RIMS4: variants seen among roughly 807,000 people sequenced by gnomAD.
The protein encoded by RIMS4 is regulating synaptic membrane exocytosis protein 4.
RIMS4 carries 9 observed loss-of-function variants against 29.0 expected under a neutral mutation model. The observed-to-expected ratio is 0.31, with a 90% CI of 0.19 to 0.54. The LOEUF (loss-of-function observed/expected upper bound fraction) is 0.54, where lower values mean the gene tolerates loss of function less well. Among genes scored for constraint, RIMS4 ranks in the 20% least tolerant of loss-of-function variants. RIMS4 has a pLI of 0.94. For missense variants in RIMS4, 193 were observed against 365.7 expected, an observed-to-expected ratio of 0.53 and a Z score of 3.85; for synonymous variants, 130 against 152.9, an observed-to-expected ratio of 0.85 and a Z score of 1.10.
chr20:44,758,730 A>C (rs1358756095), intron 2 of RIMS4, among the ~76,000 whole-genome samples: 1 of 152,180 alleles, frequency 6.6e-6, no homozygotes, highest in Non-Finnish European at 1.5e-5. Context: ...ATCAGCTCAG[A>C]GACAGGCATG....
intron 1 of RIMS4, among the ~76,000 whole-genome samples, chr20:44,798,687 G>A (rs778277279): frequency 2.7e-4 from 41 of 152,136 alleles, no homozygotes; most frequent in African/African-American, 5.8e-4. Context: ...TTATGCCCTC[G>A]GGGGACTACC....
Position 44,752,419 on chromosome 20 carries a change from C to T in RIMS4, c.*3715G>A, listed in dbSNP as rs1157705151. ...CTGAAGGGAATTGGCTTGTGAAGTA[C>T]ATAACCACCCCCTAAGCCACCTGCT... is the stretch of plus-strand genomic sequence containing the variant. On this transcript the variant is annotated 3_prime_UTR_variant, in exon 6 of 6. Transcript: ENST00000372851. The T allele has an allele frequency of 6.6e-6, 1 of 152,256 alleles. No individual in the cohort carries two copies. Among genetic ancestry groups the T allele is most frequent in the Non-Finnish European group, 1.5e-5 (1 of 68,084 alleles). The allele number at this position is 152,256 out of a possible 1,614,324, so 9.4% of individuals were successfully genotyped here. A position where few individuals can be genotyped will look rare whatever the true frequency, so the allele number is the denominator to read the frequency against.
chr20:44,786,201 C>A (rs2066207756), intron 1 of RIMS4, among the ~76,000 whole-genome samples: 1 of 152,164 alleles, frequency 6.6e-6, no homozygotes, highest in Non-Finnish European at 1.5e-5. Flanking sequence ...TTTTTAACTC[C>A]AAGGACAGCA....
rs1421218166 is a variant in RIMS4 at position 44,756,657 on chromosome 20, A to G, written c.591+241T>C. 6.6e-6 allele frequency among the ~76,000 whole-genome samples: 1 copy of G among 152,140 alleles called. No individual in the cohort carries two copies. Among genetic ancestry groups the G allele is most frequent in the Non-Finnish European group, 1.5e-5 (1 of 68,012 alleles). On this transcript the variant is annotated intron_variant, in intron 5 of 5. Transcript: ENST00000372851. This position sits in a 1 kb window ranked among gnomAD's most constrained non-coding sequence, Gnocchi z 5.9. The stretch of plus-strand genomic sequence containing the variant: ...CACTGGCACCAGAATGTTATCAGGT[A>G]GGTACTATTAGGGTCCCCGCTTTAC...
intron 1 of RIMS4, among the ~76,000 whole-genome samples, chr20:44,787,273 C>G (rs1230302523): frequency 6.6e-6 from 1 of 152,012 alleles, no homozygotes; most frequent in East Asian, 1.9e-4. Flanking sequence ...CACCTCACAC[C>G]AAGCTGGCAT....
intron 2 of RIMS4, among the ~76,000 whole-genome samples, chr20:44,765,669 A>T (rs2066110267): frequency 6.6e-6 from 1 of 152,126 alleles, no homozygotes; most frequent in Admixed American, 6.5e-5. Flanking sequence ...TGATTAGGAA[A>T]CAGCCTTGGT....
At chr20:44,804,527 G>A (rs1045236943) in intron 1 of RIMS4, among the ~76,000 whole-genome samples, 9 of 152,210 alleles carry the variant, frequency 5.9e-5, no homozygotes, top group Non-Finnish European at 1.3e-4. Context: ...TGAAATGATG[G>A]TTGCTACGGC....
intron 1 of RIMS4, among the ~76,000 whole-genome samples, chr20:44,776,257 T>C (rs1213657163): frequency 1.3e-5 from 2 of 152,116 alleles, no homozygotes; most frequent in African/African-American, 4.8e-5. Flanking sequence ...AGTAAAATCC[T>C]ATCTCAAAAC....
intron 2 of RIMS4, among the ~76,000 whole-genome samples, chr20:44,763,770 G>T (rs2066096142): frequency 6.6e-6 from 1 of 152,200 alleles, no homozygotes. Context: ...GATGGTGAAA[G>T]AAGTAACTGG....
At chr20:44,804,358 G>A (rs117935278) in intron 1 of RIMS4, among the ~76,000 whole-genome samples, 2,279 of 152,212 alleles carry the variant, frequency 0.015, 22 homozygotes, top group Non-Finnish European at 0.023. Context: ...GAGCCAGAGC[G>A]GATTCAAATC....
At chr20:44,786,015 C>T (rs968902005) in intron 1 of RIMS4, among the ~76,000 whole-genome samples, 1 of 152,148 alleles carries the variant, frequency 6.6e-6, no homozygotes, top group African/African-American at 2.4e-5. Flanking sequence ...CATTCAGAGT[C>T]ATGCCACACT....
intron 1 of RIMS4, among the ~76,000 whole-genome samples, chr20:44,802,959 C>A (rs1393917942): frequency 6.6e-6 from 1 of 152,186 alleles, no homozygotes. Flanking sequence ...TCCTCATATT[C>A]CCATTGCTGG....
At chr20:44,808,881 A>C (rs2066310445) in intron 1 of RIMS4, among the ~76,000 whole-genome samples, 1 of 152,062 alleles carries the variant, frequency 6.6e-6, no homozygotes, top group Non-Finnish European at 1.5e-5. Flanking sequence ...ACTTCCTAAA[A>C]CCGTAGGCTA....
In RIMS4 at chr20:44,756,038, C is replaced by A; in HGVS notation, c.*96G>T. 3.1e-6 allele frequency: 3 copies of A among 981,038 alleles called. No homozygotes were observed. Among genetic ancestry groups the A allele is most frequent in the Non-Finnish European group, 4.6e-6 (3 of 645,316 alleles). 60.8% of individuals were successfully genotyped at this position (981,038 alleles called of 1,614,324 possible). A position where few individuals can be genotyped will look rare whatever the true frequency, so the allele number is the denominator to read the frequency against. ...CTGCTTCCCCACTGTGGGGGAGAGC[C>A]CCGTCCTCCTGTTCAATGTGCCCCT... On this transcript the variant is annotated 3_prime_UTR_variant, in exon 6 of 6. Transcript: ENST00000372851. The surrounding 1 kb of genome is among the most constrained non-coding windows in gnomAD (Gnocchi z 5.9).
chr20:44,799,765 T>C (rs1375799216), intron 1 of RIMS4, among the ~76,000 whole-genome samples: 1 of 152,186 alleles, frequency 6.6e-6, no homozygotes, highest in Admixed American at 6.5e-5. Flanking sequence ...TCCTGAGCTG[T>C]GTATCCAGAA....
chr20:44,785,458 G>T (rs1331866125), intron 1 of RIMS4, among the ~76,000 whole-genome samples: 1 of 152,156 alleles, frequency 6.6e-6, no homozygotes, highest in Non-Finnish European at 1.5e-5. Flanking sequence ...GGATCCTCCT[G>T]CCTTGGCCTT....
rs190286348 is a variant in RIMS4, at chr20:44,803,427, C to T, written c.97+6748G>A. On this transcript the variant is annotated intron_variant, in intron 1 of 5. Transcript: ENST00000372851. ...GACTTCCAGTCTTGGAAAGCCAGACCTGGAAGCAGCCCAGCTGGTCCATCC... is the reference window on the plus strand; with the variant it reads ...GACTTCCAGTCTTGGAAAGCCAGACTTGGAAGCAGCCCAGCTGGTCCATCC... Among the ~76,000 whole-genome samples the T allele has an allele frequency of 2.6e-5, 4 of 152,304 alleles. No individual in the cohort carries two copies. The East Asian group carries it at 7.7e-4, about 29-fold the overall frequency.
intron 1 of RIMS4, among the ~76,000 whole-genome samples, chr20:44,780,035 A>T (rs1296156933): frequency 6.6e-6 from 1 of 152,228 alleles, no homozygotes; most frequent in African/African-American, 2.4e-5. Flanking sequence ...CCAGAACAGG[A>T]CAGGAAGGAG....
intron 2 of RIMS4, among the ~76,000 whole-genome samples, chr20:44,764,025 T>TCCAC (rs2066097795): frequency 7.7e-6 from 1 of 129,220 alleles, no homozygotes; most frequent in Non-Finnish European, 1.7e-5. Context: ...CATCCATCCA[T>TCCAC]TTATCCATCC....
Sources: allele counts gnomAD v4.1 joint callset (sites outside exome capture counted in the v4.1 genomes callset), GRCh38; gene constraint gnomAD v4.1.1; non-coding constraint Gnocchi (gnomAD v3.1); transcripts MANE v1.5; gene names NCBI Gene and HGNC (gene_info 2026-07-23, HGNC 2026-07-21).